DISP2: variants seen among roughly 807,000 people sequenced by gnomAD.
DISP2 encodes dispatched RND transporter family member 2.
A neutral mutation model predicts 95.5 loss-of-function variants in DISP2; 59 were observed. The ratio of observed to expected loss-of-function variants is 0.62; its 90% confidence interval spans 0.50 to 0.77. The LOEUF (loss-of-function observed/expected upper bound fraction) is 0.77, where lower values mean the gene tolerates loss of function less well. Ranked by LOEUF, DISP2 falls within the 30% of genes least tolerant of loss-of-function variation. The pLI, the probability that DISP2 is intolerant of heterozygous loss-of-function variation, is 0.00. For missense variants in DISP2, 1,752 were observed against 1,854.6 expected (o/e 0.94, Z 1.02); for synonymous variants, 827 against 815.0 (o/e 1.01, Z -0.25).
Position 40,368,942 on chromosome 15 carries a change from C to A in DISP2, c.2830C>A (p.Arg944Ser). 1 of 1,613,944 alleles carries A rather than the reference C, an allele frequency of 6.2e-7. No individual in the cohort carries two copies. Among genetic ancestry groups the A allele is most frequent in the Non-Finnish European group, 8.5e-7 (1 of 1,180,056 alleles). Reference sequence around the variant, plus strand: ...GGGCATGGCACCTCCAGGCCTCCGCCGTGGTTGGTTCACTAGCCGTCTAGA... The same window carrying A: ...GGGCATGGCACCTCCAGGCCTCCGCAGTGGTTGGTTCACTAGCCGTCTAGA... ...ELGMAPPGLRRGWFTSRLELY... is the reference protein window; with the variant it reads ...ELGMAPPGLRSGWFTSRLELY... The change falls in exon 8 of 8, where the codon CGT (arginine) becomes AGT (serine). Residue 944 changes from arginine (R) to serine (S), a missense_variant. Coordinates refer to ENST00000267889, the MANE Select transcript of DISP2 (RefSeq NM_033510.3).
rs1889651982 is a variant in DISP2 at position 40,371,881 on chromosome 15, G to T, written c.*1563G>T. ...AGCTTATGCACACATGCAGGCATCG[G>T]ATGGCTCACGGACGGCACCATATGC... On this transcript the variant is annotated 3_prime_UTR_variant, in exon 8 of 8. Coordinates refer to ENST00000267889, the MANE Select transcript of DISP2 (RefSeq NM_033510.3). The T allele has an allele frequency of 6.6e-6, 1 of 152,154 alleles. No individual in the cohort carries two copies. Among genetic ancestry groups the T allele is most frequent in the South Asian group, 2.1e-4 (1 of 4,822 alleles). 9.4% of individuals were successfully genotyped at this position (152,154 alleles called of 1,614,324 possible). A position where few individuals can be genotyped will look rare whatever the true frequency, so the allele number is the denominator to read the frequency against.
Position 40,364,207 on chromosome 15 carries a change from CTT to C in DISP2, c.450-16_450-15del. The C allele has an allele frequency of 6.2e-7, 1 of 1,613,676 alleles. No homozygotes were observed. Among genetic ancestry groups the C allele is most frequent in the Non-Finnish European group, 8.5e-7 (1 of 1,179,800 alleles). ...CAAGAGAACTCTGGCAAGCAAGCAT[CTT>C]TTCTTCTCTTCCACAGGCAGGAACG... On this transcript the variant is annotated splice_polypyrimidine_tract_variant and intron_variant, in intron 2 of 7. Transcript: ENST00000267889.
At chr15:40,360,057 G>A (rs1289562129) in intron 1 of DISP2, among the ~76,000 whole-genome samples, 1 of 152,204 alleles carries the variant, frequency 6.6e-6, no homozygotes, top group East Asian at 1.9e-4. Context: ...CCCCTTATGG[G>A]GCTTCCAGGT....
At chr15:40,362,984 A>G (rs1889428268) in intron 1 of DISP2, among the ~76,000 whole-genome samples, 1 of 152,060 alleles carries the variant, frequency 6.6e-6, no homozygotes, top group Non-Finnish European at 1.5e-5. Context: ...TGAAGAAAAT[A>G]CCTCCTCTGT....
Position 40,358,254 on chromosome 15 carries a change from A to G in DISP2, c.-68A>G, listed in dbSNP as rs1214634679. The G allele has an allele frequency of 4.3e-4, 446 of 1,031,698 alleles. 1 individual carries two copies. The highest frequency in any genetic ancestry group is 7.2e-4 in the African/African-American group (39 of 53,900). 63.9% of individuals were successfully genotyped at this position (1,031,698 alleles called of 1,614,324 possible). A position where few individuals can be genotyped will look rare whatever the true frequency, so the allele number is the denominator to read the frequency against. On this transcript the variant is annotated 5_prime_UTR_variant, in exon 1 of 8. Coordinates refer to ENST00000267889, the MANE Select transcript of DISP2 (RefSeq NM_033510.3). ...GCACCCCGCCGCCGCTGCCGCCGCC[A>G]CCGCCGCCGCCGCCGCCGCCGCCGC...
At position 40,370,612 on chromosome 15, in the gene DISP2, G is replaced by A. The variant is rs992515017; in HGVS notation, c.*294G>A. On this transcript the variant is annotated 3_prime_UTR_variant, in exon 8 of 8. Transcript: ENST00000267889. ...GACCCCTCCTCTAGAAGTGGGGAAG[G>A]CCAGATGTGTAGCTTCGGGTATCAG... is the stretch of plus-strand genomic sequence containing the variant. The A allele has an allele frequency of 9.7e-6, 6 of 615,984 alleles. No individual in the cohort carries two copies. The highest frequency in any genetic ancestry group is 1.8e-5 in the Non-Finnish European group (6 of 331,922). 38.2% of individuals were successfully genotyped at this position (615,984 alleles called of 1,614,324 possible). A position where few individuals can be genotyped will look rare whatever the true frequency, so the allele number is the denominator to read the frequency against.
rs772301491 is a variant in DISP2, at chr15:40,368,169, C to G, written c.2057C>G (p.Thr686Ser). The G allele has an allele frequency of 1.8e-5, 29 of 1,574,364 alleles. No homozygotes were observed. Among genetic ancestry groups the G allele is most frequent in the Non-Finnish European group, 2.2e-5 (26 of 1,166,358 alleles). The change falls in exon 8 of 8, where the codon ACC (threonine) becomes AGC (serine). Residue 686 changes from threonine (T) to serine (S), a missense_variant. Thr to Ser is a moderately conservative substitution (Grantham distance 58). Around this residue, in one of 5 missense-constraint regions of DISP2, gnomAD observed 732 missense variants for 714.6 expected, o/e 1.02. Coordinates refer to ENST00000267889, the MANE Select transcript of DISP2 (RefSeq NM_033510.3). ...LRGLRRAAAG[T>S]SRLLFQRLLP... The stretch of plus-strand genomic sequence containing the variant: ...GGCCTGCGGAGGGCGGCGGCTGGCA[C>G]CTCGCGTCTGCTCTTCCAGCGCCTG...
At position 40,367,231 on chromosome 15, in the gene DISP2, C is replaced by G. The variant is rs1237029613; in HGVS notation, c.1119C>G (p.Leu373=). The change falls in exon 8 of 8, where the codon CTC becomes CTG. Residue 373 remains leucine (L), a synonymous_variant. Coordinates refer to ENST00000267889, the MANE Select transcript of DISP2 (RefSeq NM_033510.3). ...TGGCCCTGCTTCGGACCTGTGCCCTCTACTACCACAGTGGCGCCTTGGTGC... is the reference window on the plus strand; with the variant it reads ...TGGCCCTGCTTCGGACCTGTGCCCTGTACTACCACAGTGGCGCCTTGGTGC... ...RTLALLRTCA[L]YYHSGALVPS... is the part of the protein sequence containing the mutation. The G allele has an allele frequency of 1.9e-6, 3 of 1,613,936 alleles. No homozygotes were observed. Among genetic ancestry groups the G allele is most frequent in the Non-Finnish European group, 2.5e-6 (3 of 1,180,012 alleles).
In DISP2 at chr15:40,363,981, G is replaced by A. The variant is rs560742995; in HGVS notation, c.449+27G>A. Reference sequence around the variant, plus strand: ...TAAGGAGGGGTCCAGCAGCCTGCCAGCTGCCACTGGAAAATGCGGTGGGGC... The same window carrying A: ...TAAGGAGGGGTCCAGCAGCCTGCCAACTGCCACTGGAAAATGCGGTGGGGC... On this transcript the variant is annotated intron_variant, in intron 2 of 7. Transcript: ENST00000267889. 30 of 1,514,356 alleles carry A rather than the reference G, an allele frequency of 2.0e-5. No individual in the cohort carries two copies. In the East Asian group the frequency reaches 6.3e-4, roughly 32 times the overall value. The allele number at this position is 1,514,356 out of a possible 1,614,324, so 93.8% of individuals were successfully genotyped here.
chr15:40,364,106 TA>T, intron 2 of DISP2, 119 bp from the exon 3 acceptor site: 1 of 1,527,324 alleles, frequency 6.5e-7, no homozygotes. Flanking sequence ...GGCAAAGCGC[TA>T]AAAGGGTTAA....
rs1213002025 is a variant in DISP2 at position 40,368,080 on chromosome 15, G to T, written c.1968G>T (p.Ala656=). The T allele has an allele frequency of 1.5e-5, 21 of 1,411,436 alleles. No homozygotes were observed. Among genetic ancestry groups the T allele is most frequent in the Non-Finnish European group, 1.8e-5 (20 of 1,091,248 alleles). 87.4% of individuals were successfully genotyped at this position (1,411,436 alleles called of 1,614,324 possible). A position where few individuals can be genotyped will look rare whatever the true frequency, so the allele number is the denominator to read the frequency against. ...RYLARGCARR[A]RGRWEGSAPR... Reference sequence around the variant, plus strand: ...TGGCGCGCGGCTGTGCGCGCCGGGCGCGGGGCCGGTGGGAGGGCAGCGCGC... The same window carrying T: ...TGGCGCGCGGCTGTGCGCGCCGGGCTCGGGGCCGGTGGGAGGGCAGCGCGC... The change falls in exon 8 of 8, where the codon GCG becomes GCT. Residue 656 remains alanine, a synonymous_variant. Transcript: ENST00000267889.
Position 40,376,049 on chromosome 15 carries a change from A to G in DISP2, c.*5731A>G, listed in dbSNP as rs72733423. The G allele has an allele frequency of 9.2e-5, 14 of 152,376 alleles. No individual in the cohort carries two copies. The highest frequency in any genetic ancestry group is 2.1e-4 in the Non-Finnish European group (14 of 68,046). 9.4% of individuals were successfully genotyped at this position (152,376 alleles called of 1,614,324 possible). On this transcript the variant is annotated 3_prime_UTR_variant, in exon 8 of 8. Coordinates refer to ENST00000267889, the MANE Select transcript of DISP2 (RefSeq NM_033510.3). ...CTGGAGAGCTTCTTTGAGAAAGTTC[A>G]CAGGGGCAGCCCTGTGGCTCAGTTC... is the stretch of plus-strand genomic sequence containing the variant.
At chr15:40,362,627 A>G (rs1315060335) in intron 1 of DISP2, among the ~76,000 whole-genome samples, 2 of 152,268 alleles carry the variant, frequency 1.3e-5, no homozygotes, top group Admixed American at 1.3e-4. Flanking sequence ...AACAGATGCT[A>G]TGAAAAAAAT....
At position 40,370,713 on chromosome 15, in the gene DISP2, G is replaced by A. The variant is rs1889629962; in HGVS notation, c.*395G>A. The A allele has an allele frequency of 4.2e-6, 2 of 472,008 alleles. No homozygotes were observed. The allele number at this position is 472,008 out of a possible 1,614,324, so 29.2% of individuals were successfully genotyped here. A position where few individuals can be genotyped will look rare whatever the true frequency, so the allele number is the denominator to read the frequency against. On this transcript the variant is annotated 3_prime_UTR_variant, in exon 8 of 8. Coordinates refer to ENST00000267889, the MANE Select transcript of DISP2 (RefSeq NM_033510.3). ...AAGGGACCCCCATCCTAGGGATCTTGTCAGGGTTCCTTACTGACCAGAGGA... is the reference window on the plus strand; with the variant it reads ...AAGGGACCCCCATCCTAGGGATCTTATCAGGGTTCCTTACTGACCAGAGGA...
intron 1 of DISP2, 38 bp from the exon 2 acceptor site, chr15:40,363,587 T>TC: frequency 6.9e-7 from 1 of 1,443,174 alleles, no homozygotes; most frequent in South Asian, 1.4e-5. Context: ...CCCACCACCA[T>TC]CCCCCACCCC....
At position 40,365,286 on chromosome 15, in the gene DISP2, C is replaced by G; in HGVS notation, c.847+12C>G. The G allele has an allele frequency of 6.2e-7, 1 of 1,613,032 alleles. No individual in the cohort carries two copies. Among genetic ancestry groups the G allele is most frequent in the Non-Finnish European group, 8.5e-7 (1 of 1,179,746 alleles). Reference sequence around the variant, plus strand: ...CTGTGGCCCCCCTGGTAAGCTGCAGCCTGGCCAGTTCCTGGTTTTAATAGT... The same window carrying G: ...CTGTGGCCCCCCTGGTAAGCTGCAGGCTGGCCAGTTCCTGGTTTTAATAGT... On this transcript the variant is annotated intron_variant, in intron 6 of 7. Coordinates refer to ENST00000267889, the MANE Select transcript of DISP2 (RefSeq NM_033510.3).
In DISP2 at chr15:40,368,707, C is replaced by T. The variant is rs1378432484; in HGVS notation, c.2595C>T (p.Pro865=). 1 of 1,613,318 alleles carries T rather than the reference C, an allele frequency of 6.2e-7. No individual in the cohort carries two copies. Among genetic ancestry groups the T allele is most frequent in the Non-Finnish European group, 8.5e-7 (1 of 1,180,034 alleles). The change falls in exon 8 of 8, where the codon CCC becomes CCT. Residue 865 remains proline (P), a synonymous_variant. Coordinates refer to ENST00000267889, the MANE Select transcript of DISP2 (RefSeq NM_033510.3). ...PDLCCGHSDF[P]WAPQFFLHCL... is the part of the protein sequence containing the mutation. ...TCTGCTGCGGCCACTCGGACTTCCC[C>T]TGGGCCCCCCAGTTTTTCCTGCACT...
At chr15:40,358,655 A>T (rs1731606634) in intron 1 of DISP2, among the ~76,000 whole-genome samples, 1 of 145,764 alleles carries the variant, frequency 6.9e-6, no homozygotes. Flanking sequence ...GTCAGCCCCC[A>T]TCGCCCTCCC....
chr15:40,363,600 T>A, intron 1 of DISP2, 25 bp from the exon 2 acceptor site: 3 of 1,486,262 alleles, frequency 2.0e-6, no homozygotes, highest in Non-Finnish European at 2.7e-6. Context: ...CCCACCCCAA[T>A]CTTCCTTGTC....
Sources: gnomAD v4.1 joint callset for allele counts (sites outside exome capture counted in the v4.1 genomes callset) on GRCh38, gnomAD v4.1.1 for gene constraint, gnomAD v4.1.1 regional missense constraint, MANE v1.5 for transcripts, NCBI Gene and HGNC (gene_info 2026-07-23, HGNC 2026-07-21) for gene names.